IGF1R: variants seen among roughly 807,000 people sequenced by gnomAD.
IGF1R encodes insulin-like growth factor 1 receptor.
A neutral mutation model predicts 144.6 loss-of-function variants in IGF1R; 44 were observed. The ratio of observed to expected loss-of-function variants is 0.30; its 90% CI spans 0.24 to 0.39. The LOEUF (loss-of-function observed/expected upper bound fraction) is 0.39. Among genes scored for constraint, IGF1R ranks in the 10% least tolerant of loss-of-function variants. IGF1R has a pLI of 1.00. For synonymous variants in IGF1R, 795 were observed against 722.8 expected, an observed-to-expected ratio of 1.10 and a Z score of -1.60; for missense variants, 1,355 against 1,833.7, an observed-to-expected ratio of 0.74 and a Z score of 4.77.
In IGF1R at chr15:98,935,426, G is replaced by A. The variant is rs2151708604; in HGVS notation, c.3297G>A (p.Glu1099=). 1 of 1,528,748 alleles carries A rather than the reference G, an allele frequency of 6.5e-7. No homozygotes were observed. The allele number at this position is 1,528,748 out of a possible 1,614,324, so 94.7% of individuals were successfully genotyped here. A position where few individuals can be genotyped will look rare whatever the true frequency, so the allele number is the denominator to read the frequency against. Residue 1099 remains glutamate, a splice_region_variant and synonymous_variant, in exon 17 of 21, where the codon GAG becomes GAA. Transcript: ENST00000650285. This position sits in a 1 kb window ranked among gnomAD's most constrained non-coding sequence, Gnocchi z 4.2. ...SYLRSLRPEM[E]NNPVLAPPSL... is the part of the protein sequence containing the mutation. ...TCCGGTCTCTGAGGCCAGAAATGGA[G>A]GTCAGTTTTCATTTCCACCGGTATT...
At chr15:98,928,408 C>G (rs1024475196) in intron 13 of IGF1R, among the ~76,000 whole-genome samples, 29 of 152,238 alleles carry the variant, frequency 1.9e-4, no homozygotes, top group African/African-American at 7.0e-4. Flanking sequence ...GTCCCTCCGT[C>G]TGTCCTCAGC....
chr15:98,692,717 A>G (rs1301218406), intron 1 of IGF1R, among the ~76,000 whole-genome samples: 1 of 152,216 alleles, frequency 6.6e-6, no homozygotes, highest in Non-Finnish European at 1.5e-5. Flanking sequence ...TCTTTCCCGC[A>G]ACAACTACCT....
intron 2 of IGF1R, among the ~76,000 whole-genome samples, chr15:98,813,766 C>T (rs558838509): frequency 6.6e-6 from 1 of 152,206 alleles, no homozygotes; most frequent in East Asian, 1.9e-4. Flanking sequence ...CCAGTCCATT[C>T]CTTATGTCCG....
chr15:98,715,506 G>GA (rs1444261077), intron 2 of IGF1R, among the ~76,000 whole-genome samples: 1 of 152,200 alleles, frequency 6.6e-6, no homozygotes, highest in Non-Finnish European at 1.5e-5. Flanking sequence ...TCCTGTGCTT[G>GA]AAAAGCCTCT....
intron 1 of IGF1R, among the ~76,000 whole-genome samples, chr15:98,676,073 G>A (rs1047845291): frequency 1.3e-5 from 2 of 151,412 alleles, no homozygotes; most frequent in African/African-American, 4.9e-5. Flanking sequence ...CAGGTGATCC[G>A]CCCACCTCAC....
At chr15:98,677,245 T>C (rs1310920057) in intron 1 of IGF1R, among the ~76,000 whole-genome samples, 2 of 152,190 alleles carry the variant, frequency 1.3e-5, no homozygotes, top group African/African-American at 4.8e-5. Flanking sequence ...CCTTCCTTGT[T>C]TCTTTTAGGT....
chr15:98,898,600 C>T (rs1219903220), intron 4 of IGF1R, among the ~76,000 whole-genome samples: 1 of 152,140 alleles, frequency 6.6e-6, no homozygotes, highest in African/African-American at 2.4e-5. Context: ...GGGCTTTATC[C>T]TTTAGTACCC....
intron 1 of IGF1R, among the ~76,000 whole-genome samples, chr15:98,687,541 G>T: frequency 6.6e-6 from 1 of 152,218 alleles, no homozygotes; most frequent in Non-Finnish European, 1.5e-5. Flanking sequence ...GGCACAGGGA[G>T]GTTTTGAAGG....
In IGF1R at chr15:98,960,755, C is replaced by G. The variant is rs934125414; in HGVS notation, c.*3313C>G. 6 of 233,582 alleles carry G rather than the reference C, an allele frequency of 2.6e-5. No individual in the cohort carries two copies. Among genetic ancestry groups the G allele is most frequent in the Non-Finnish European group, 5.1e-5 (6 of 118,230 alleles). The allele number at this position is 233,582 out of a possible 1,614,324, so 14.5% of individuals were successfully genotyped here. ...AGGCTCCTGACCTCACAGCCAGTCC[C>G]TGATAGAACACACGCAGGAGCAGAG... On this transcript the variant is annotated 3_prime_UTR_variant, in exon 21 of 21. Transcript: ENST00000650285.
intron 11 of IGF1R, among the ~76,000 whole-genome samples, chr15:98,923,276 T>A (rs2015566689): frequency 6.6e-6 from 1 of 152,276 alleles, no homozygotes; most frequent in South Asian, 2.1e-4. Flanking sequence ...CTGGAGGAGT[T>A]GGTGCCGGCA....
chr15:98,880,718 T>A (rs2013328238), intron 2 of IGF1R: 1 of 152,224 alleles, frequency 6.6e-6, no homozygotes, highest in Non-Finnish European at 1.5e-5. Flanking sequence ...AGTTTTCCCT[T>A]GATGCCCATG....
intron 2 of IGF1R, among the ~76,000 whole-genome samples, chr15:98,799,473 T>A (rs1403180902): frequency 6.6e-6 from 1 of 152,192 alleles, no homozygotes; most frequent in Non-Finnish European, 1.5e-5. Flanking sequence ...AAGACTTGCT[T>A]ATTTTGCTCT....
intron 18 of IGF1R, 128 bp downstream of exon 18, chr15:98,939,488 A>G: frequency 2.3e-6 from 2 of 887,426 alleles, no homozygotes; most frequent in Non-Finnish European, 1.9e-6. Flanking sequence ...CCTTCTTGGG[A>G]ATGATGTGAT....
intron 19 of IGF1R, among the ~76,000 whole-genome samples, chr15:98,947,053 C>CTG (rs2016581803): frequency 6.6e-6 from 1 of 152,184 alleles, no homozygotes; most frequent in African/African-American, 2.4e-5. Flanking sequence ...TATGGCTGGG[C>CTG]TGGTTGTGGA....
chr15:98,876,315 A>T (rs1206154790), intron 2 of IGF1R, among the ~76,000 whole-genome samples: 6 of 76,936 alleles, frequency 7.8e-5, no homozygotes, highest in Non-Finnish European at 1.6e-4. Flanking sequence ...ATTAAGAGTT[A>T]AAAAAAAAAA....
intron 2 of IGF1R, among the ~76,000 whole-genome samples, chr15:98,831,447 C>T (rs2057000216): frequency 6.6e-6 from 1 of 152,254 alleles, no homozygotes; most frequent in African/African-American, 2.4e-5. Context: ...TCTTCACCCT[C>T]TTGCCCTGGC....
At chr15:98,884,152 C>A (rs1480398877) in intron 2 of IGF1R, among the ~76,000 whole-genome samples, 1 of 152,106 alleles carries the variant, frequency 6.6e-6, no homozygotes, top group East Asian at 1.9e-4. Flanking sequence ...CCCCTGTGAA[C>A]GGTGGCAGCC....
chr15:98,838,714 C>T (rs2011127783), intron 2 of IGF1R, among the ~76,000 whole-genome samples: 1 of 152,164 alleles, frequency 6.6e-6, no homozygotes, highest in Non-Finnish European at 1.5e-5. Context: ...CCCTTTAGAG[C>T]CTCAGAAATG....
intron 2 of IGF1R, among the ~76,000 whole-genome samples, chr15:98,868,017 G>A (rs540608777): frequency 2.6e-4 from 39 of 152,212 alleles, no homozygotes; most frequent in African/African-American, 8.4e-4. Context: ...CCTGGCCAAC[G>A]TGACGAAACC....
Sources: gnomAD v4.1 joint callset for allele counts (sites outside exome capture counted in the v4.1 genomes callset) on GRCh38, gnomAD v4.1.1 for gene constraint, Gnocchi (gnomAD v3.1) non-coding constraint, MANE v1.5 for transcripts, NCBI Gene and HGNC (gene_info 2026-07-23, HGNC 2026-07-21) for gene names.